Variants in CPLANE1 observed in about 807,000 individuals in gnomAD.
CPLANE1 encodes ciliogenesis and planar polarity effector complex subunit 1.
Under a neutral mutation model 362.5 loss-of-function variants are expected in CPLANE1, and 263 were observed. The ratio of observed to expected loss-of-function variants is 0.73; its 90% CI spans 0.66 to 0.80. The LOEUF (loss-of-function observed/expected upper bound fraction) is 0.80. Among genes scored for constraint, CPLANE1 ranks in the 30% least tolerant of loss-of-function variants. The pLI, the probability that CPLANE1 is intolerant of heterozygous loss-of-function variation, is 0.00. For synonymous variants in CPLANE1, 1,212 were observed against 1,302.6 expected (o/e 0.93, Z 1.50); for missense variants, 3,461 against 3,793.4 (o/e 0.91, Z 2.30).
At chr5:37,193,301 G>A (rs1449185643) in intron 21 of CPLANE1, among the ~76,000 whole-genome samples, 7 of 152,068 alleles carry the variant, frequency 4.6e-5, no homozygotes, top group East Asian at 1.9e-4. Flanking sequence ...AGAGGTACTC[G>A]AGTGCTTATA....
At chr5:37,181,083 T>C (rs1249779892) in intron 26 of CPLANE1, 78 bp from the exon 27 acceptor site, 28 of 1,220,754 alleles carry the variant, frequency 2.3e-5, no homozygotes, top group Non-Finnish European at 2.9e-5. Context: ...ATTCATTCTT[T>C]CTACAGGAAT....
intron 36 of CPLANE1, 92 bp downstream of exon 36, chr5:37,165,447 G>A: frequency 1.6e-6 from 2 of 1,230,294 alleles, no homozygotes; most frequent in Non-Finnish European, 2.3e-6. Context: ...ACAGTCAGAA[G>A]CTCCCAGCAA....
intron 47 of CPLANE1, 87 bp downstream of exon 47, chr5:37,125,157 A>T: frequency 6.9e-7 from 1 of 1,455,356 alleles, no homozygotes; most frequent in Non-Finnish European, 9.2e-7. Context: ...ATGTATCCAA[A>T]TTATGTTAAT....
rs1796511689 is a variant in CPLANE1, at chr5:37,226,575, G to A, written c.2020C>T (p.Gln674Ter). Residue 674 changes from glutamine to a stop codon, truncating the protein, a stop_gained, in exon 12 of 53, where the codon CAG (glutamine) becomes TAG (stop). Coordinates refer to ENST00000651892, the MANE Select transcript of CPLANE1 (RefSeq NM_001384732.1). LOFTEE classifies it high-confidence loss of function. Reference protein sequence around the residue: ...TSNTVKLLLTQQQKGQLFSEK... With the variant: ...TSNTVKLLLT ...GAGAATAACTGACCCTTTTGTTGCT[G>A]AGTCAGCAAAAGTTTTACAGTATTT... 4 of 1,550,396 alleles carry A rather than the reference G, an allele frequency of 2.6e-6. No individual in the cohort carries two copies. Among genetic ancestry groups the A allele is most frequent in the Non-Finnish European group, 3.5e-6 (4 of 1,146,656 alleles).
intron 46 of CPLANE1, among the ~76,000 whole-genome samples, chr5:37,133,016 T>C (rs1766435712): frequency 6.6e-6 from 1 of 152,192 alleles, no homozygotes; most frequent in Non-Finnish European, 1.5e-5. Context: ...TCACAACCTT[T>C]ATAGGGAGTC....
chr5:37,130,464 G>A (rs983960461), intron 46 of CPLANE1: 2 of 217,848 alleles, frequency 9.2e-6, no homozygotes, highest in African/African-American at 2.3e-5. Context: ...AGAAGTCCAG[G>A]AACGTATTTC....
intron 2 of CPLANE1, chr5:37,246,276 G>C (rs948943523): frequency 6.7e-6 from 1 of 149,848 alleles, no homozygotes; most frequent in African/African-American, 2.5e-5. Flanking sequence ...GCCCATTTCT[G>C]ACCTGGACCA....
Position 37,154,459 on chromosome 5 carries a change from C to CTTTTTTTTTTTT in CPLANE1, c.8120-478_8120-467dup, listed in dbSNP as rs35522666. On this transcript the variant is annotated intron_variant, in intron 41 of 52. Transcript: ENST00000651892. ...TTCTTCTCCCAAATTTGCAATAGTTCTTTTTTTTTTTTTTTTTTTTTTTTA... is the reference window on the plus strand; with the variant it reads ...TTCTTCTCCCAAATTTGCAATAGTTCTTTTTTTTTTTTTTTTTTTTTTTTTTTTTTTTTTTTA... 6.4e-3 allele frequency among the ~76,000 whole-genome samples: 540 copies of CTTTTTTTTTTTT among 84,534 alleles called. 64 individuals are homozygous for CTTTTTTTTTTTT. The highest frequency in any genetic ancestry group is 0.015 in the African/African-American group (270 of 17,622). 55.5% of individuals were successfully genotyped at this position (84,534 alleles called of 152,430 possible). A position where few individuals can be genotyped will look rare whatever the true frequency, so the allele number is the denominator to read the frequency against.
rs57623608 is a variant in CPLANE1, at chr5:37,113,146, C to T, written c.9400+1814G>A. ...CTGGCATGGGATTTAGAAGCTGGTACGGTTTGGCTGTGTCCCCAACCAAAT... is the reference window on the plus strand; with the variant it reads ...CTGGCATGGGATTTAGAAGCTGGTATGGTTTGGCTGTGTCCCCAACCAAAT... On this transcript the variant is annotated intron_variant, in intron 51 of 52. Coordinates refer to ENST00000651892, the MANE Select transcript of CPLANE1 (RefSeq NM_001384732.1). Among the ~76,000 whole-genome samples, 1,205 of 152,308 alleles carry T rather than the reference C, an allele frequency of 7.9e-3. 22 individuals carry two copies. Among genetic ancestry groups the T allele is most frequent in the African/African-American group, 0.027 (1,141 of 41,572 alleles).
intron 50 of CPLANE1, among the ~76,000 whole-genome samples, chr5:37,118,737 C>A: frequency 1.4e-5 from 2 of 146,210 alleles, no homozygotes; most frequent in Admixed American, 6.8e-5. Context: ...TTTTTTCAGA[C>A]AGAGTCTCAC....
the CPLANE1 span, among the ~76,000 whole-genome samples, chr5:37,082,130 G>A: frequency 1.3e-5 from 2 of 150,984 alleles, no homozygotes; most frequent in African/African-American, 4.9e-5. Context: ...TGTATTAAAT[G>A]TAGAGAAATA....
rs1195442022 is a variant in CPLANE1 at position 37,169,129 on chromosome 5, C to T, written c.6895G>A (p.Glu2299Lys). The T allele has an allele frequency of 1.9e-6, 3 of 1,613,998 alleles. No homozygotes were observed. The highest frequency in any genetic ancestry group is 1.7e-5 in the Admixed American group (1 of 59,994). Residue 2299 changes from glutamate to lysine, a missense_variant, in exon 34 of 53, where the codon GAG becomes AAG. Transcript: ENST00000651892. Reference sequence around the variant, plus strand: ...ACAGTTTCTGCCCACGTCTTCTGCTCAACTTCTTTTTTTCTGGCTTCAGTG... The same window carrying T: ...ACAGTTTCTGCCCACGTCTTCTGCTTAACTTCTTTTTTTCTGGCTTCAGTG... ...YNTEARKKEVEQKTWAETVIT... is the reference protein window; with the variant it reads ...YNTEARKKEVKQKTWAETVIT...
chr5:37,178,776 A>T (rs533817447), intron 29 of CPLANE1, among the ~76,000 whole-genome samples: 63 of 151,746 alleles, frequency 4.2e-4, no homozygotes, highest in Non-Finnish European at 5.0e-4. Flanking sequence ...TTTTTTTTTT[A>T]AAAGACAGGG....
chr5:37,232,588 G>A (rs1797956104), intron 8 of CPLANE1, among the ~76,000 whole-genome samples: 1 of 150,292 alleles, frequency 6.7e-6, no homozygotes, highest in Non-Finnish European at 1.5e-5. Context: ...TGTAATCACA[G>A]TATTTTGGGA....
At chr5:37,093,561 G>A in the CPLANE1 span, among the ~76,000 whole-genome samples, 1 of 152,112 alleles carries the variant, frequency 6.6e-6, no homozygotes, top group African/African-American at 2.4e-5. Flanking sequence ...CATCTCTCCT[G>A]GTTAGACCCC....
At chr5:37,164,363 C>T (rs773324859) in intron 36 of CPLANE1, 36 bp from the exon 37 acceptor site, 2 of 1,505,584 alleles carry the variant, frequency 1.3e-6, no homozygotes, top group South Asian at 1.1e-5. Flanking sequence ...CTATGATTAA[C>T]TCAAAGATGT....
chr5:37,193,074 G>C (rs1786105643), intron 21 of CPLANE1, among the ~76,000 whole-genome samples: 1 of 151,088 alleles, frequency 6.6e-6, no homozygotes, highest in Non-Finnish European at 1.5e-5. Flanking sequence ...GGCTGAGGCG[G>C]AGAATTGCTT....
chr5:37,079,295 T>C, the CPLANE1 span, among the ~76,000 whole-genome samples: 3 of 152,190 alleles, frequency 2.0e-5, no homozygotes, highest in East Asian at 3.8e-4. Context: ...CCCAGCACCA[T>C]TGATTAAATA....
Position 37,180,873 on chromosome 5 carries a change from A to G in CPLANE1, c.5554T>C (p.Cys1852Arg). ...TEERNGQNKS[C>R]QNILNRMPTE... ...GCAACTTACTTCAAGATATTTTGAC[A>G]AGATTTATTCTGACCATTTCTTTCC... The change falls in exon 27 of 53, where the codon TGT becomes CGT. Residue 1852 changes from cysteine (C) to arginine (R), a missense_variant. By Grantham distance (180) the Cys-to-Arg change is radical (BLOSUM62 -3). Transcript: ENST00000651892. 6.2e-7 allele frequency: 1 copy of G among 1,614,032 alleles called. No homozygotes were observed. The highest frequency in any genetic ancestry group is 1.1e-5 in the South Asian group (1 of 91,066).
Sources: allele counts gnomAD v4.1 joint callset (sites outside exome capture counted in the v4.1 genomes callset), GRCh38; gene constraint gnomAD v4.1.1; transcripts MANE v1.5; gene names NCBI Gene and HGNC (gene_info 2026-07-23, HGNC 2026-07-21).